FARSB: variants seen among roughly 807,000 people sequenced by gnomAD.
FARSB encodes phenylalanine--tRNA ligase beta subunit.
FARSB carries 40 observed loss-of-function variants against 69.6 expected under a neutral mutation model. The ratio of observed to expected loss-of-function variants is 0.57; its 90% CI spans 0.45 to 0.75. The LOEUF (loss-of-function observed/expected upper bound fraction) is 0.75, where lower values mean the gene tolerates loss of function less well. Among genes scored for constraint, FARSB ranks in the 30% least tolerant of loss-of-function variants. The pLI is 0.00. For synonymous variants in FARSB, 235 were observed against 247.2 expected, an observed-to-expected ratio of 0.95 and a Z score of 0.46; for missense variants, 632 against 722.9, an observed-to-expected ratio of 0.87 and a Z score of 1.44.
At chr2:222,590,282 G>A (rs560506287) in intron 16 of FARSB, among the ~76,000 whole-genome samples, 3 of 151,952 alleles carry the variant, frequency 2.0e-5, no homozygotes, top group South Asian at 2.1e-4. Context: ...ACCAAACACC[G>A]CATGTTCTCA....
chr2:222,632,330 T>C (rs1463210711), intron 7 of FARSB, among the ~76,000 whole-genome samples: 2 of 152,226 alleles, frequency 1.3e-5, no homozygotes, highest in African/African-American at 4.8e-5. Flanking sequence ...TCCTATGATG[T>C]AATTGCTGGC....
intron 15 of FARSB, among the ~76,000 whole-genome samples, chr2:222,610,870 A>G (rs1690830957): frequency 6.6e-6 from 1 of 152,212 alleles, no homozygotes; most frequent in Non-Finnish European, 1.5e-5. Flanking sequence ...GTCCGAATTT[A>G]AGCAGCTGGT....
intron 9 of FARSB, 70 bp downstream of exon 9, chr2:222,630,043 T>G: frequency 1.0e-6 from 1 of 955,376 alleles, no homozygotes; most frequent in Non-Finnish European, 1.6e-6. Context: ...ACCTGGCCTA[T>G]CTTTACATTT....
At chr2:222,622,048 C>A (rs544746502) in intron 13 of FARSB, among the ~76,000 whole-genome samples, 199 of 152,232 alleles carry the variant, frequency 1.3e-3, no homozygotes, top group African/African-American at 4.6e-3. Context: ...CAGGCATGGG[C>A]GGGAATCCCT....
At chr2:222,629,534 A>G (rs913036022) in intron 9 of FARSB, among the ~76,000 whole-genome samples, 1 of 152,126 alleles carries the variant, frequency 6.6e-6, no homozygotes, top group Non-Finnish European at 1.5e-5. Context: ...CCCCAAACAC[A>G]GCTTAAATTT....
chr2:222,606,717 T>A (rs755920669), intron 15 of FARSB, among the ~76,000 whole-genome samples: 1 of 152,324 alleles, frequency 6.6e-6, no homozygotes, highest in South Asian at 2.1e-4. Flanking sequence ...ATAACTCAAA[T>A]TTTTCAAATA....
intron 16 of FARSB, among the ~76,000 whole-genome samples, chr2:222,586,142 T>C (rs1329764673): frequency 6.6e-6 from 1 of 152,156 alleles, no homozygotes; most frequent in Admixed American, 6.5e-5. Context: ...GGGAACCCCA[T>C]CAGACTAACA....
intron 15 of FARSB, among the ~76,000 whole-genome samples, chr2:222,604,182 C>T (rs1559198932): frequency 6.7e-6 from 1 of 149,538 alleles, no homozygotes; most frequent in Non-Finnish European, 1.5e-5. Context: ...CACGCCACTG[C>T]ACTCCAGCCT....
chr2:222,621,966 ACTTTGG>A (rs1210918678), intron 13 of FARSB, among the ~76,000 whole-genome samples: 4 of 152,316 alleles, frequency 2.6e-5, no homozygotes, highest in Admixed American at 2.6e-4. Context: ...TATTAAAGTG[ACTTTGG>A]ACAGCTAAAC....
chr2:222,644,087 T>C (rs887099441), intron 2 of FARSB, among the ~76,000 whole-genome samples: 3 of 152,270 alleles, frequency 2.0e-5, no homozygotes, highest in African/African-American at 7.2e-5. Flanking sequence ...TGGATTTCTA[T>C]CAAAATATGT....
intron 14 of FARSB, 85 bp downstream of exon 14, chr2:222,619,560 A>T: frequency 2.9e-6 from 2 of 687,294 alleles, no homozygotes; most frequent in South Asian, 1.6e-5. Context: ...TCACCATCTC[A>T]GGTATAATAA....
chr2:222,621,728 A>AT, intron 13 of FARSB, among the ~76,000 whole-genome samples: 1 of 152,336 alleles, frequency 6.6e-6, no homozygotes, highest in African/African-American at 2.4e-5. Context: ...AGTGTGAATT[A>AT]TTTACACTTA....
intron 16 of FARSB, among the ~76,000 whole-genome samples, chr2:222,576,939 G>A (rs994928557): frequency 4.6e-5 from 7 of 152,156 alleles, no homozygotes; most frequent in African/African-American, 1.4e-4. Flanking sequence ...CTTATCCCAC[G>A]TGAGCATGGT....
intron 16 of FARSB, among the ~76,000 whole-genome samples, chr2:222,577,237 A>G (rs914944344): frequency 7.9e-5 from 12 of 152,214 alleles, no homozygotes; most frequent in African/African-American, 2.9e-4. Flanking sequence ...ATAATTTCCA[A>G]CTGGTAATAT....
At chr2:222,591,019 C>A (rs1690255645) in intron 16 of FARSB, among the ~76,000 whole-genome samples, 2 of 151,912 alleles carry the variant, frequency 1.3e-5, no homozygotes, top group African/African-American at 2.4e-5. Context: ...AACTCATTTG[C>A]TTGGACACTG....
chr2:222,601,581 T>G (rs1361730559), intron 15 of FARSB, among the ~76,000 whole-genome samples: 1 of 152,232 alleles, frequency 6.6e-6, no homozygotes, highest in Non-Finnish European at 1.5e-5. Flanking sequence ...AACTTTTATT[T>G]ACTTCCCAGT....
rs781072804 is a variant in FARSB at position 222,619,640 on chromosome 2, C to T, written c.1344+5G>A. 1.3e-6 allele frequency: 2 copies of T among 1,501,826 alleles called. No individual in the cohort carries two copies. Among genetic ancestry groups the T allele is most frequent in the South Asian group, 2.3e-5 (2 of 88,324 alleles). The allele number at this position is 1,501,826 out of a possible 1,614,324, so 93.0% of individuals were successfully genotyped here. ...CATGAATTCTCACCTACTTAAAATT[C>T]TTACCTGAAATTCAGCTGTTTTAGG... On this transcript the variant is annotated splice_donor_5th_base_variant and intron_variant, in intron 14 of 16. Transcript: ENST00000281828.
At chr2:222,642,090 C>T (rs943183355) in intron 3 of FARSB, among the ~76,000 whole-genome samples, 3 of 151,428 alleles carry the variant, frequency 2.0e-5, no homozygotes, top group African/African-American at 7.3e-5. Context: ...CAACCTCCAC[C>T]TCCCAGGTTC....
chr2:222,621,470 G>A (rs144892040), intron 13 of FARSB, among the ~76,000 whole-genome samples: 12 of 152,262 alleles, frequency 7.9e-5, no homozygotes, highest in African/African-American at 2.9e-4. Flanking sequence ...TGATCCGCCC[G>A]CCTCGGCCTC....
Sources: allele counts gnomAD v4.1 joint callset (sites outside exome capture counted in the v4.1 genomes callset), GRCh38; gene constraint gnomAD v4.1.1; transcripts MANE v1.5; gene names NCBI Gene and HGNC (gene_info 2026-07-23, HGNC 2026-07-21).